SPON2: variants seen among roughly 807,000 people sequenced by gnomAD.
SPON2 encodes spondin-2.
SPON2 carries 32 observed loss-of-function variants against 29.9 expected under a neutral mutation model. The observed-to-expected ratio is 1.07, with a 90% CI of 0.81 to 1.44. SPON2 has a LOEUF of 1.44. Ranked by LOEUF, SPON2 falls within the 40% of genes most tolerant of loss-of-function variation. SPON2 has a pLI of 0.00. For synonymous variants in SPON2, 248 were observed against 209.1 expected, an observed-to-expected ratio of 1.19 and a Z score of -1.61; for missense variants, 541 against 455.5, an observed-to-expected ratio of 1.19 and a Z score of -1.71.
At chr4:1,201,730 C>T (rs1425346576) in intron 1 of SPON2, among the ~76,000 whole-genome samples, 1 of 152,056 alleles carries the variant, frequency 6.6e-6, no homozygotes, top group South Asian at 2.1e-4. Context: ...TTACAGGCGC[C>T]GGTTGCCACG....
intron 5 of SPON2, among the ~76,000 whole-genome samples, chr4:1,168,941 G>A (rs1727332543): frequency 6.6e-6 from 1 of 152,178 alleles, no homozygotes; most frequent in South Asian, 2.1e-4. Context: ...AGAAGTCACA[G>A]GAGAGACCCT....
chr4:1,192,467 C>A (rs1033573560), intron 1 of SPON2, among the ~76,000 whole-genome samples: 3 of 152,234 alleles, frequency 2.0e-5, no homozygotes, highest in African/African-American at 7.2e-5. Context: ...AAGCCCTTTG[C>A]TGTAGCTAAA....
Position 1,167,291 on chromosome 4 carries a change from T to TC in SPON2, c.*180dup. 1.7e-6 allele frequency: 1 copy of TC among 599,362 alleles called. No homozygotes were observed. The highest frequency in any genetic ancestry group is 2.8e-6 in the Non-Finnish European group (1 of 357,916). The allele number at this position is 599,362 out of a possible 1,614,324, so 37.1% of individuals were successfully genotyped here. ...AAGGTTGGGAAAGGAGGAGGCTGTTTCCCAATGCCCGTGCCGGCCACCAGA... is the reference window on the plus strand; with the variant it reads ...AAGGTTGGGAAAGGAGGAGGCTGTTTCCCCAATGCCCGTGCCGGCCACCAGA... On this transcript the variant is annotated 3_prime_UTR_variant, in exon 6 of 6. Transcript: ENST00000290902.
chr4:1,174,942 A>G (rs1727562612), upstream of SPON2, among the ~76,000 whole-genome samples: 1 of 152,186 alleles, frequency 6.6e-6, no homozygotes, highest in African/African-American at 2.4e-5. Context: ...CCGTGTGCCC[A>G]TCAGAGCATG....
intron 1 of SPON2, among the ~76,000 whole-genome samples, chr4:1,184,521 C>T (rs1400287247): frequency 2.0e-5 from 3 of 152,162 alleles, no homozygotes; most frequent in Non-Finnish European, 4.4e-5. Flanking sequence ...CCAAAATAAT[C>T]TTTAAAAGAA....
chr4:1,194,941 GC>G (rs1728016689), intron 1 of SPON2: 7 of 135,986 alleles, frequency 5.1e-5, no homozygotes, highest in South Asian at 2.3e-4. Flanking sequence ...GCAGCCGGCG[GC>G]TCCAACCTCG....
intron 1 of SPON2, among the ~76,000 whole-genome samples, chr4:1,188,099 T>G (rs1405002773): frequency 2.1e-5 from 3 of 145,596 alleles, no homozygotes; most frequent in Admixed American, 7.2e-5. Flanking sequence ...TAATCCCAGC[T>G]ACTCAGGAGG....
chr4:1,207,579 A>G (rs1041255229), intron 1 of SPON2, among the ~76,000 whole-genome samples: 12 of 151,260 alleles, frequency 7.9e-5, no homozygotes, highest in African/African-American at 2.9e-4. Flanking sequence ...CGCCGCGCTT[A>G]CACATGCTCC....
At chr4:1,168,180 G>T (rs1456754257) in intron 5 of SPON2, 1 of 152,940 alleles carries the variant, frequency 6.5e-6, no homozygotes, top group Admixed American at 6.5e-5. Flanking sequence ...TCATCATTTG[G>T]TGTTATGGTT....
intron 5 of SPON2, 123 bp downstream of exon 5, chr4:1,170,279 C>A (rs1727380909): frequency 2.3e-6 from 2 of 877,856 alleles, no homozygotes; most frequent in Non-Finnish European, 3.7e-6. Flanking sequence ...TAGGCACCAT[C>A]TTGCAGTACG....
At chr4:1,181,924 T>C (rs1727707844) in intron 1 of SPON2, among the ~76,000 whole-genome samples, 1 of 152,156 alleles carries the variant, frequency 6.6e-6, no homozygotes, top group South Asian at 2.1e-4. Flanking sequence ...TTTTCCCTTT[T>C]TGGAAGCCAG....
chr4:1,168,661 C>T (rs1167895143), intron 5 of SPON2, among the ~76,000 whole-genome samples: 1 of 152,214 alleles, frequency 6.6e-6, no homozygotes, highest in East Asian at 1.9e-4. Flanking sequence ...CCAGCACCCC[C>T]CAGCTTCCTG....
chr4:1,190,690 A>T (rs547221367), intron 1 of SPON2, among the ~76,000 whole-genome samples: 1 of 152,364 alleles, frequency 6.6e-6, no homozygotes, highest in African/African-American at 2.4e-5. Flanking sequence ...TTTGCAGATG[A>T]CATGATTTCA....
chr4:1,180,242 T>G (rs983381270), intron 1 of SPON2, among the ~76,000 whole-genome samples: 1 of 152,176 alleles, frequency 6.6e-6, no homozygotes, highest in Admixed American at 6.5e-5. Context: ...AACTGGGAGA[T>G]GACTGGTTCT....
Position 1,171,937 on chromosome 4 carries a change from G to C in SPON2, c.135C>G (p.Ile45Met). 1 of 1,612,924 alleles carries C rather than the reference G, an allele frequency of 6.2e-7. No homozygotes were observed. The highest frequency in any genetic ancestry group is 8.5e-7 in the Non-Finnish European group (1 of 1,179,852). Residue 45 changes from isoleucine to methionine, a missense_variant, in exon 2 of 6, where the codon ATC becomes ATG. Coordinates refer to ENST00000290902, the MANE Select transcript of SPON2 (RefSeq NM_012445.4). ...TCTGGCTCCACTTGCCCGTGAAGGT[G>C]ATGCTGTATTTGGCCAGGGCTCTGG... ...CSARALAKYS[I>M]TFTGKWSQTA...
upstream of SPON2, among the ~76,000 whole-genome samples, chr4:1,178,157 C>G (rs1449662783): frequency 3.5e-5 from 5 of 142,610 alleles, no homozygotes; most frequent in African/African-American, 1.3e-4. Flanking sequence ...CGAGGGCCTC[C>G]CTCCGGCCAG....
intron 4 of SPON2, 132 bp from the exon 5 acceptor site, chr4:1,170,708 T>A (rs1422394079): frequency 8.5e-7 from 1 of 1,174,948 alleles, no homozygotes; most frequent in East Asian, 2.5e-5. Flanking sequence ...GGGTCCCATG[T>A]ACTCCTCTCA....
chr4:1,189,843 G>A (rs1455773010), intron 1 of SPON2, among the ~76,000 whole-genome samples: 4 of 151,084 alleles, frequency 2.6e-5, no homozygotes, highest in African/African-American at 9.7e-5. Flanking sequence ...CAAAAAACTA[G>A]CCGGGCATGG....
Position 1,170,575 on chromosome 4 carries a change from A to T in SPON2, c.638T>A (p.Ile213Lys). The change falls in exon 5 of 6, where the codon ATA becomes AAA. Residue 213 changes from isoleucine (I) to lysine (K), a missense_variant and splice_region_variant. Ile to Lys is a moderately radical substitution (Grantham distance 102). Coordinates refer to ENST00000290902, the MANE Select transcript of SPON2 (RefSeq NM_012445.4). Reference sequence around the variant, plus strand: ...CGGGTGGCTGGGAGAGGAGGACGTTATCTGGGGAGGAAGAAGAGGAGGTTG... The same window carrying T: ...CGGGTGGCTGGGAGAGGAGGACGTTTTCTGGGGAGGAAGAAGAGGAGGTTG... ...ATIPQDTVTEITSSSPSHPAN... is the reference protein window; with the variant it reads ...ATIPQDTVTEKTSSSPSHPAN... 6.2e-7 allele frequency: 1 copy of T among 1,606,916 alleles called. No individual in the cohort carries two copies. The highest frequency in any genetic ancestry group is 1.4e-5 in the African/African-American group (1 of 71,530).
Sources: gnomAD v4.1 joint callset for allele counts (sites outside exome capture counted in the v4.1 genomes callset) on GRCh38, gnomAD v4.1.1 for gene constraint, MANE v1.5 for transcripts, NCBI Gene and HGNC (gene_info 2026-07-23, HGNC 2026-07-21) for gene names.